CACNA1C: variants seen among roughly 807,000 people sequenced by gnomAD.
The protein encoded by CACNA1C is calcium voltage-gated channel subunit alpha1 C.
A neutral mutation model predicts 229.0 loss-of-function variants in CACNA1C; 30 were observed. That is an observed-to-expected ratio of 0.13 (90% CI 0.10 to 0.18). CACNA1C has a LOEUF of 0.18. Ranked by LOEUF, CACNA1C falls within the 10% of genes least tolerant of loss-of-function variation. The pLI is 1.00. For missense variants in CACNA1C, 1,658 were observed against 2,845.0 expected (o/e 0.58, Z 9.49); for synonymous variants, 1,114 against 1,132.5 (o/e 0.98, Z 0.33).
chr12:2,584,412 C>T (rs2061668838), intron 15 of CACNA1C, 91 bp from the exon 16 acceptor site: 2 of 837,936 alleles, frequency 2.4e-6, no homozygotes, highest in Non-Finnish European at 2.0e-6. Context: ...TGCTGAGGAG[C>T]TCTACCCTGC....
chr12:2,261,945 A>G (rs1253330993), intron 3 of CACNA1C, among the ~76,000 whole-genome samples: 2 of 152,068 alleles, frequency 1.3e-5, no homozygotes, highest in African/African-American at 4.8e-5. Flanking sequence ...CAAAGCACTC[A>G]CCTCCCCATC....
At chr12:2,494,988 T>C (rs953738783) in intron 7 of CACNA1C, among the ~76,000 whole-genome samples, 6 of 152,172 alleles carry the variant, frequency 3.9e-5, no homozygotes, top group Non-Finnish European at 8.8e-5. Flanking sequence ...GGAAGCCAAC[T>C]AAACTCTAAA....
chr12:2,071,172 C>T (rs11522855), intron 1 of CACNA1C, among the ~76,000 whole-genome samples: 189 of 16,040 alleles, frequency 0.012, 26 homozygotes, highest in African/African-American at 0.06. Context: ...CTCCCTCCCT[C>T]CCTGCCTGCC....
Position 2,595,785 on chromosome 12 carries a change from G to A in CACNA1C, c.2664-89G>A. 7.8e-7 allele frequency: 1 copy of A among 1,278,632 alleles called. No homozygotes were observed. 79.2% of individuals were successfully genotyped at this position (1,278,632 alleles called of 1,614,324 possible). A position where few individuals can be genotyped will look rare whatever the true frequency, so the allele number is the denominator to read the frequency against. ...AGCACCTGTTGCCAGCTGCTGGGGA[G>A]AGCTGAGGAGAGGGGCTCCCAAGAG... is the stretch of plus-strand genomic sequence containing the variant. On this transcript the variant is annotated intron_variant, in intron 19 of 46. Transcript: ENST00000399655. This position sits in a 1 kb window ranked among gnomAD's most constrained non-coding sequence, Gnocchi z 4.1.
chr12:2,688,385 A>G, intron 45 of CACNA1C, 62 bp from the exon 46 acceptor site: 1 of 1,496,250 alleles, frequency 6.7e-7, no homozygotes, highest in Non-Finnish European at 9.3e-7. Context: ...GCTCAGAAGC[A>G]GGGGCCTGCC....
chr12:2,417,689 A>C (rs575314942), intron 3 of CACNA1C, among the ~76,000 whole-genome samples: 3 of 152,186 alleles, frequency 2.0e-5, no homozygotes, highest in Non-Finnish European at 4.4e-5. Flanking sequence ...CAGGTAGCAG[A>C]ACGTTCTCAT....
intron 1 of CACNA1C, among the ~76,000 whole-genome samples, chr12:2,064,601 A>G (rs994746670): frequency 1.3e-4 from 20 of 152,240 alleles, no homozygotes; most frequent in Non-Finnish European, 7.3e-5. Flanking sequence ...CAAGAGAGGC[A>G]AAAACGTGAG....
At chr12:1,998,973 T>C (rs2041564157) in intron 1 of CACNA1C, among the ~76,000 whole-genome samples, 1 of 152,224 alleles carries the variant, frequency 6.6e-6, no homozygotes, top group Admixed American at 6.5e-5. Context: ...AAACAGCAGT[T>C]TTTAAAAGGC....
At chr12:2,269,445 C>T (rs1330736941) in intron 3 of CACNA1C, among the ~76,000 whole-genome samples, 1 of 152,120 alleles carries the variant, frequency 6.6e-6, no homozygotes, top group Non-Finnish European at 1.5e-5. Context: ...CCCCTGGGTT[C>T]TGGATTCAAA....
chr12:2,106,878 C>G (rs1247520656), intron 1 of CACNA1C, among the ~76,000 whole-genome samples: 3 of 58,758 alleles, frequency 5.1e-5, no homozygotes, highest in African/African-American at 5.6e-5. Flanking sequence ...GTTTCCACCT[C>G]AGCTGGGCAT....
chr12:2,496,653 T>C (rs2099747350), intron 7 of CACNA1C, among the ~76,000 whole-genome samples: 1 of 152,212 alleles, frequency 6.6e-6, no homozygotes, highest in African/African-American at 2.4e-5. Flanking sequence ...AAATCAGACT[T>C]GGTCGAGTAA....
At chr12:2,103,323 C>T (rs1232346775) in intron 1 of CACNA1C, among the ~76,000 whole-genome samples, 1 of 152,178 alleles carries the variant, frequency 6.6e-6, no homozygotes, top group Admixed American at 6.5e-5. Context: ...ATTTGCATTT[C>T]TTTAATGACC....
At chr12:2,452,379 C>T (rs1247801933) in intron 4 of CACNA1C, among the ~76,000 whole-genome samples, 3 of 152,262 alleles carry the variant, frequency 2.0e-5, no homozygotes, top group African/African-American at 7.2e-5. Context: ...GGAGGTTCCA[C>T]GCCAGCCAGT....
At chr12:2,184,787 A>G (rs1036967467) in intron 3 of CACNA1C, among the ~76,000 whole-genome samples, 1 of 152,130 alleles carries the variant, frequency 6.6e-6, no homozygotes, top group African/African-American at 2.4e-5. Flanking sequence ...CAGGCAGAGA[A>G]CCTTGCTTTC....
intron 1 of CACNA1C, among the ~76,000 whole-genome samples, chr12:2,085,068 C>T (rs1035925384): frequency 1.3e-5 from 2 of 152,204 alleles, no homozygotes; most frequent in African/African-American, 4.8e-5. Context: ...GAGCCAAAGA[C>T]AGAGCCTTGG....
chr12:2,642,834 AG>A (rs2093872154), intron 30 of CACNA1C, among the ~76,000 whole-genome samples: 1 of 152,214 alleles, frequency 6.6e-6, no homozygotes, highest in African/African-American at 2.4e-5. Flanking sequence ...TGTCCTTCCC[AG>A]GGGAAGATGA....
In CACNA1C at chr12:2,679,554, C is replaced by T. The variant is rs769124319; in HGVS notation, c.5202C>T (p.Gly1734=). 3 of 1,613,354 alleles carry T rather than the reference C, an allele frequency of 1.9e-6. No individual in the cohort carries two copies. The Admixed American group carries it at 5.0e-5, about 27-fold the overall frequency. ...TQRPLHINKA[G]SSQGDTESPS... ...GCCCGCTGCACATCAACAAGGCGGG[C>T]AGCAGCCAGGGCGACACTGAGTCGC... The change falls in exon 42 of 47, where the codon GGC becomes GGT. Residue 1734 remains glycine (G), a synonymous_variant. Transcript: ENST00000399655. This position sits in a 1 kb window ranked among gnomAD's most constrained non-coding sequence, Gnocchi z 5.5.
In CACNA1C at chr12:2,668,962, C is replaced by G. The variant is rs2096394447; in HGVS notation, c.4653C>G (p.Asn1551Lys). 1.9e-6 allele frequency: 3 copies of G among 1,614,078 alleles called. No homozygotes were observed. The highest frequency in any genetic ancestry group is 8.5e-7 in the Non-Finnish European group (1 of 1,179,940). Residue 1551 changes from asparagine to lysine, a missense_variant, in exon 38 of 47, where the codon AAC becomes AAG. By Grantham distance (94) the Asn-to-Lys change is moderately conservative. Coordinates refer to ENST00000399655, the MANE Select transcript of CACNA1C (RefSeq NM_000719.7). ...KRLVSMNMPL[N>K]SDGTVMFNAT... ...TGGTCTCCATGAACATGCCTCTGAA[C>G]AGCGACGGGACAGTCATGTTCAATG...
intron 1 of CACNA1C, among the ~76,000 whole-genome samples, chr12:2,104,895 CA>C (rs2077616347): frequency 6.6e-6 from 1 of 152,132 alleles, no homozygotes; most frequent in East Asian, 1.9e-4. Context: ...AAAATTATGG[CA>C]ATTTGTCATC....
Sources: allele counts gnomAD v4.1 joint callset (sites outside exome capture counted in the v4.1 genomes callset), GRCh38; gene constraint gnomAD v4.1.1; non-coding constraint Gnocchi (gnomAD v3.1); transcripts MANE v1.5; gene names NCBI Gene and HGNC (gene_info 2026-07-23, HGNC 2026-07-21).